Variants in SMARCA2 observed in about 807,000 individuals in gnomAD.
SMARCA2 encodes SWI/SNF-related matrix-associated actin-dependent regulator of chromatin subfamily A member 2.
A neutral mutation model predicts 199.8 loss-of-function variants in SMARCA2; 61 were observed. The observed-to-expected ratio is 0.31, with a 90% CI of 0.25 to 0.38. The LOEUF (loss-of-function observed/expected upper bound fraction) is 0.38. SMARCA2 is among the 10% of genes least tolerant of loss of function. The pLI, the probability that SMARCA2 is intolerant of heterozygous loss-of-function variation, is 1.00. For missense variants in SMARCA2, 1,344 were observed against 2,012.2 expected (o/e 0.67, Z 6.35); for synonymous variants, 935 against 732.0 (o/e 1.28, Z -4.48).
At chr9:2,102,703 T>TA (rs1822577276) in intron 22 of SMARCA2, among the ~76,000 whole-genome samples, 1 of 152,236 alleles carries the variant, frequency 6.6e-6, no homozygotes, top group Admixed American at 6.5e-5. Flanking sequence ...TTTTGACTTG[T>TA]ACTTGTATAG....
intron 28 of SMARCA2, among the ~76,000 whole-genome samples, chr9:2,164,613 A>C (rs1825851229): frequency 6.6e-6 from 1 of 152,212 alleles, no homozygotes; most frequent in African/African-American, 2.4e-5. Context: ...TGAGCACCAG[A>C]AAGAAAGTGT....
intron 5 of SMARCA2, chr9:2,047,795 T>G (rs975293112): frequency 1.1e-5 from 2 of 187,592 alleles, no homozygotes; most frequent in Admixed American, 1.2e-4. Context: ...ACGCTGAGTG[T>G]GTTGCGCTGG....
At chr9:2,176,941 G>T (rs1423166703) in intron 29 of SMARCA2, among the ~76,000 whole-genome samples, 1 of 152,024 alleles carries the variant, frequency 6.6e-6, no homozygotes, top group African/African-American at 2.4e-5. Flanking sequence ...TGCTTCAAGG[G>T]TCTAGGTGAT....
chr9:2,169,099 T>A lies in SMARCA2; in HGVS notation c.4200-1320T>A, dbSNP rs1826096415. Among the ~76,000 whole-genome samples the A allele has an allele frequency of 6.6e-6, 1 of 152,162 alleles. No individual in the cohort carries two copies. Among genetic ancestry groups the A allele is most frequent in the South Asian group, 2.1e-4 (1 of 4,826 alleles). Reference sequence around the variant, plus strand: ...AATAATGAAGACTTTCCCAATTCTGTGCCTTATTGCTGACACTCAGAGTCC... The same window carrying A: ...AATAATGAAGACTTTCCCAATTCTGAGCCTTATTGCTGACACTCAGAGTCC... On this transcript the variant is annotated intron_variant, in intron 28 of 33. Coordinates refer to ENST00000349721, the MANE Select transcript of SMARCA2 (RefSeq NM_003070.5). This position sits in a 1 kb window ranked among gnomAD's most constrained non-coding sequence, Gnocchi z 6.5.
chr9:2,186,050 G>T, intron 31 of SMARCA2, 46 bp from the exon 32 acceptor site: 1 of 1,593,524 alleles, frequency 6.3e-7, no homozygotes, highest in South Asian at 1.1e-5. Flanking sequence ...TCACTGCCAT[G>T]GTAACTCAGC....
intron 26 of SMARCA2, among the ~76,000 whole-genome samples, chr9:2,122,197 A>C (rs1206919833): frequency 1.3e-5 from 2 of 152,262 alleles, no homozygotes; most frequent in African/African-American, 2.4e-5. Context: ...ATTAGCAAGA[A>C]TAATGTCCAT....
intron 27 of SMARCA2, among the ~76,000 whole-genome samples, chr9:2,146,569 A>T (rs1044007789): frequency 6.6e-6 from 1 of 152,228 alleles, no homozygotes; most frequent in African/African-American, 2.4e-5. Flanking sequence ...TTGCACAAGA[A>T]AGAATTTGAG....
rs191818866 is a variant in SMARCA2 at position 2,029,179 on chromosome 9, G to A, written c.157G>A (p.Val53Ile). The A allele has an allele frequency of 1.9e-6, 3 of 1,613,530 alleles. No homozygotes were observed. Among genetic ancestry groups the A allele is most frequent in the East Asian group, 2.2e-5 (1 of 44,874 alleles). The change falls in exon 2 of 34, where the codon GTC becomes ATC. Residue 53 changes from valine to isoleucine, a missense_variant. Transcript: ENST00000349721. ...MMGPSPGPPSVSHPMPTMGST... is the reference protein window; with the variant it reads ...MMGPSPGPPSISHPMPTMGST... ...GGGGCCAAGTCCTGGACCTCCAAGT[G>A]TCTCCCATCCTATGCCGACGATGGG...
At chr9:2,113,855 C>G (rs113484582) in intron 24 of SMARCA2, among the ~76,000 whole-genome samples, 1 of 152,182 alleles carries the variant, frequency 6.6e-6, no homozygotes, top group Non-Finnish European at 1.5e-5. Flanking sequence ...CTACTACTCG[C>G]GGGCTCGGTC....
rs966048444 is a variant in SMARCA2 at position 2,182,347 on chromosome 9, A to G, written c.4461+105A>G. ...TACCTCTTGAATCATTGCTACTGGC[A>G]GAAGAAAAATAACTAAAAGCCTATG... is the stretch of plus-strand genomic sequence containing the variant. On this transcript the variant is annotated intron_variant, in intron 31 of 33. Coordinates refer to ENST00000349721, the MANE Select transcript of SMARCA2 (RefSeq NM_003070.5). The G allele has an allele frequency of 3.0e-5, 21 of 711,664 alleles. No homozygotes were observed. In the African/African-American group the frequency reaches 3.4e-4, roughly 12 times the overall value. The allele number at this position is 711,664 out of a possible 1,614,324, so 44.1% of individuals were successfully genotyped here.
At chr9:2,087,145 T>C in intron 18 of SMARCA2, 74 bp downstream of exon 18, 1 of 1,567,622 alleles carries the variant, frequency 6.4e-7, no homozygotes, top group East Asian at 2.2e-5. Flanking sequence ...CTGAGAACAT[T>C]AGAGCCACAG....
intron 21 of SMARCA2, 22 bp downstream of exon 21, chr9:2,097,493 T>G: frequency 1.4e-6 from 2 of 1,433,016 alleles, no homozygotes; most frequent in South Asian, 2.4e-5. Flanking sequence ...TTGTGTGTTT[T>G]GAGCCTGATT....
intron 27 of SMARCA2, among the ~76,000 whole-genome samples, chr9:2,142,432 T>G (rs575622122): frequency 4.6e-5 from 7 of 152,162 alleles, no homozygotes; most frequent in African/African-American, 1.7e-4. Flanking sequence ...ACTGGCCTGT[T>G]TGGGGATTTG....
At chr9:2,191,599 T>C (rs530105155) in intron 33 of SMARCA2, 191 bp downstream of exon 33, 4 of 502,366 alleles carry the variant, frequency 8.0e-6, no homozygotes, top group African/African-American at 7.8e-5. Context: ...GGGGGCTTTG[T>C]TTATTGCCTT....
chr9:2,037,936 C>G (rs1395219599), intron 3 of SMARCA2, among the ~76,000 whole-genome samples: 3 of 152,262 alleles, frequency 2.0e-5, no homozygotes, highest in Non-Finnish European at 1.5e-5. Flanking sequence ...ATTCTATGGC[C>G]AAGCTATGCA....
chr9:2,134,905 C>T (rs1046456257), intron 27 of SMARCA2, among the ~76,000 whole-genome samples: 2 of 152,178 alleles, frequency 1.3e-5, no homozygotes, highest in Admixed American at 6.5e-5. Context: ...TATCCTCAGA[C>T]TTCCAGCCTC....
At chr9:2,081,264 C>G (rs1821555314) in intron 14 of SMARCA2, among the ~76,000 whole-genome samples, 1 of 152,148 alleles carries the variant, frequency 6.6e-6, no homozygotes, top group South Asian at 2.1e-4. Flanking sequence ...CAGTTGCCAG[C>G]TTCCAGTGTG....
At chr9:2,080,784 A>G (rs1250613898) in intron 14 of SMARCA2, among the ~76,000 whole-genome samples, 1 of 152,174 alleles carries the variant, frequency 6.6e-6, no homozygotes, top group African/African-American at 2.4e-5. Flanking sequence ...AATTCTTGTC[A>G]ATACAGTTTT....
chr9:2,149,218 G>A (rs1290081717), intron 27 of SMARCA2, among the ~76,000 whole-genome samples: 1 of 151,118 alleles, frequency 6.6e-6, no homozygotes, highest in African/African-American at 2.4e-5. Context: ...TGAGAGAGAT[G>A]CAAAAGTGGA....
Sources: allele counts gnomAD v4.1 joint callset (sites outside exome capture counted in the v4.1 genomes callset), GRCh38; gene constraint gnomAD v4.1.1; non-coding constraint Gnocchi (gnomAD v3.1); transcripts MANE v1.5; gene names NCBI Gene and HGNC (gene_info 2026-07-23, HGNC 2026-07-21).